GOSR2: variants seen among roughly 807,000 people sequenced by gnomAD.
The protein encoded by GOSR2 is 27 kDa Golgi SNARE protein.
Under a neutral mutation model 27.9 loss-of-function variants are expected in GOSR2, and 20 were observed. The observed-to-expected ratio is 0.72, with a 90% CI of 0.50 to 1.04. The LOEUF (loss-of-function observed/expected upper bound fraction) is 1.04, where lower values mean the gene tolerates loss of function less well. Ranked by LOEUF, GOSR2 falls within the 50% of genes least tolerant of loss-of-function variation. The probability of loss-of-function intolerance (pLI) is 0.00; values close to 1 mark genes in which losing one functional copy is unlikely to be tolerated. For missense variants in GOSR2, 261 were observed against 270.5 expected (o/e 0.97, Z 0.25); for synonymous variants, 91 against 98.8 (o/e 0.92, Z 0.47).
intron 6 of GOSR2, chr17:46,955,372 G>C (rs2090640704): frequency 1.3e-5 from 2 of 151,314 alleles, no homozygotes; most frequent in Non-Finnish European, 1.5e-5. Flanking sequence ...AAGCCCACTT[G>C]ATCATGGTGG....
intron 6 of GOSR2, chr17:46,973,242 T>TCTAA (rs1376727994): frequency 1.3e-5 from 2 of 153,572 alleles, no homozygotes; most frequent in Admixed American, 6.6e-5. Flanking sequence ...GAGCCCATTA[T>TCTAA]CTAACCACAC....
chr17:46,973,239 TTATC>T (rs2091411298), intron 6 of GOSR2: 1 of 153,538 alleles, frequency 6.5e-6, no homozygotes, highest in South Asian at 2.1e-4. Flanking sequence ...CTTGAGCCCA[TTATC>T]TAACCACACA....
intron 4 of GOSR2, chr17:46,933,057 T>C (rs1444909090): frequency 6.6e-6 from 1 of 152,282 alleles, no homozygotes; most frequent in Admixed American, 6.5e-5. Context: ...TTCCCCAGAC[T>C]AAGCAGTCAA....
downstream of GOSR2, among the ~76,000 whole-genome samples, chr17:46,971,358 T>TA (rs2091391100): frequency 6.6e-6 from 1 of 151,918 alleles, no homozygotes; most frequent in African/African-American, 2.4e-5. Context: ...ATTAATTAAT[T>TA]AAAAAGGAAA....
intron 5 of GOSR2, chr17:46,936,809 A>T (rs1323542048): frequency 2.0e-6 from 2 of 984,458 alleles, no homozygotes; most frequent in African/African-American, 3.5e-5. Context: ...CATTTCTCTG[A>T]TCTCTGATGG....
In GOSR2 at chr17:46,938,469, T is replaced by G; in HGVS notation, c.478-130T>G. 4.2e-6 allele frequency: 6 copies of G among 1,420,868 alleles called. No homozygotes were observed. In the South Asian group the frequency reaches 6.9e-5, roughly 16 times the overall value. The allele number at this position is 1,420,868 out of a possible 1,614,324, so 88.0% of individuals were successfully genotyped here. A position where few individuals can be genotyped will look rare whatever the true frequency, so the allele number is the denominator to read the frequency against. ...AGAGTGGCTCTATTTCTGGCTGATA[T>G]TGCTTTCTGTGTATTCTGGGCATGA... On this transcript the variant is annotated intron_variant, in intron 5 of 5. Coordinates refer to ENST00000640051, the MANE Select transcript of GOSR2 (RefSeq NM_004287.5).
In GOSR2 at chr17:46,953,509, C is replaced by T. The variant is rs957479961; in HGVS notation, c.584-13025C>T. ...TGTGAATAGTGCCGCAATAAACATA[C>T]GTGTGCATGTGTCTTTATAGCAGCA... On this transcript the variant is annotated intron_variant, in intron 6 of 6. Coordinates refer to the GOSR2 transcript ENST00000573224. Among the ~76,000 whole-genome samples the T allele has an allele frequency of 6.0e-3, 912 of 152,190 alleles. 4 individuals are homozygous for T. Among genetic ancestry groups the T allele is most frequent in the African/African-American group, 0.021 (865 of 41,510 alleles).
intron 6 of GOSR2, among the ~76,000 whole-genome samples, chr17:46,959,646 G>A (rs937028292): frequency 2.0e-5 from 3 of 152,204 alleles, no homozygotes; most frequent in East Asian, 1.9e-4. Flanking sequence ...AACTCCCATG[G>A]ATAGCAGTCC....
intron 5 of GOSR2, chr17:46,935,555 T>C: frequency 8.2e-7 from 1 of 1,213,912 alleles, no homozygotes; most frequent in Non-Finnish European, 1.0e-6. Flanking sequence ...TGGCTTTCCC[T>C]TAGGACCCCT....
At chr17:46,932,447 A>ACC in intron 4 of GOSR2, 1 of 601,704 alleles carries the variant, frequency 1.7e-6, no homozygotes, top group Non-Finnish European at 2.9e-6. Flanking sequence ...GGTGAAAATT[A>ACC]CCTGGTTGGG....
rs572361575 is a variant in GOSR2, at chr17:46,940,206, A to T, written c.*1446A>T. 193 of 1,400,280 alleles carry T rather than the reference A, an allele frequency of 1.4e-4. 1 individual carries two copies. The highest frequency in any genetic ancestry group is 9.8e-4 in the Admixed American group (33 of 33,760). The allele number at this position is 1,400,280 out of a possible 1,614,324, so 86.7% of individuals were successfully genotyped here. On this transcript the variant is annotated 3_prime_UTR_variant, in exon 6 of 6. Transcript: ENST00000640051. ...TAGCTCCCCTTTGGTAAGTTTTCTTAATTGTCATAGATTAACTGAGTTTCC... is the reference window on the plus strand; with the variant it reads ...TAGCTCCCCTTTGGTAAGTTTTCTTTATTGTCATAGATTAACTGAGTTTCC...
intron 6 of GOSR2, among the ~76,000 whole-genome samples, chr17:46,965,589 G>C (rs1395576458): frequency 6.6e-6 from 1 of 151,262 alleles, no homozygotes; most frequent in Non-Finnish European, 1.5e-5. Flanking sequence ...GCTCCACCCA[G>C]GGCACCCCTT....
chr17:46,931,656 C>T, intron 3 of GOSR2: 1 of 240,492 alleles, frequency 4.2e-6, no homozygotes, highest in Non-Finnish European at 7.6e-6. Context: ...CCCTTGCCAC[C>T]TCCACCCCCA....
At position 46,940,388 on chromosome 17, in the gene GOSR2, G is replaced by C. The variant is rs1198554315; in HGVS notation, c.*1628G>C. 10 of 1,543,372 alleles carry C rather than the reference G, an allele frequency of 6.5e-6. No homozygotes were observed. The highest frequency in any genetic ancestry group is 2.4e-5 in the South Asian group (2 of 84,250). On this transcript the variant is annotated 3_prime_UTR_variant, in exon 6 of 6. Coordinates refer to ENST00000640051, the MANE Select transcript of GOSR2 (RefSeq NM_004287.5). ...TAAAGCAGTGACTGGAGGGTGGACT[G>C]GGGGGTTGCAGCATCTTTAGACCTA...
downstream of GOSR2, among the ~76,000 whole-genome samples, chr17:46,943,964 A>G (rs988017065): frequency 1.3e-5 from 2 of 151,946 alleles, no homozygotes; most frequent in African/African-American, 2.4e-5. Context: ...AATGCAGGGT[A>G]TCTAGGAAGA....
At chr17:46,954,038 G>A (rs373873044) in intron 6 of GOSR2, among the ~76,000 whole-genome samples, 25 of 152,124 alleles carry the variant, frequency 1.6e-4, no homozygotes, top group Non-Finnish European at 2.9e-4. Context: ...TCTTTAGTTT[G>A]ATTAGATCCC....
At chr17:46,943,825 C>G (rs555421158), downstream of GOSR2, among the ~76,000 whole-genome samples, 15 of 152,376 alleles carry the variant, frequency 9.8e-5, no homozygotes, top group African/African-American at 3.6e-4. Context: ...GAAACTGTCA[C>G]TCAGGACTGG....
intron 1 of GOSR2, chr17:46,923,575 C>CG: frequency 7.7e-7 from 1 of 1,302,932 alleles, no homozygotes; most frequent in African/African-American, 1.5e-5. Context: ...AGAGGAGACA[C>CG]GGAGTAGGAG....
chr17:46,959,377 G>A (rs1260243494), intron 6 of GOSR2, among the ~76,000 whole-genome samples: 3 of 152,116 alleles, frequency 2.0e-5, no homozygotes, highest in African/African-American at 7.2e-5. Flanking sequence ...ATTTCTTTTT[G>A]TCTGGTAGTC....
Sources: gnomAD v4.1 joint callset for allele counts (sites outside exome capture counted in the v4.1 genomes callset) on GRCh38, gnomAD v4.1.1 for gene constraint, MANE v1.5 for transcripts, NCBI Gene and HGNC (gene_info 2026-07-23, HGNC 2026-07-21) for gene names.